The following PHF20 variants were observed in gnomAD, a reference collection of about 807,000 sequenced individuals.
PHF20 encodes the protein PHD finger protein 20.
PHF20 carries 23 observed loss-of-function variants against 113.5 expected under a neutral mutation model. That is an observed-to-expected ratio of 0.20 (90% CI 0.15 to 0.29). The LOEUF (loss-of-function observed/expected upper bound fraction) is 0.29. Ranked by LOEUF, PHF20 falls within the 10% of genes least tolerant of loss-of-function variation. The pLI, the probability that PHF20 is intolerant of heterozygous loss-of-function variation, is 1.00. For missense variants in PHF20, 943 were observed against 1,219.6 expected (o/e 0.77, Z 3.38); for synonymous variants, 434 against 457.3 (o/e 0.95, Z 0.65).
intron 2 of PHF20, among the ~76,000 whole-genome samples, chr20:35,805,611 G>A (rs2041866364): frequency 6.6e-6 from 1 of 151,542 alleles, no homozygotes; most frequent in African/African-American, 2.4e-5. Context: ...GGGATTATAG[G>A]TGTGAGCCAC....
rs551006958 is a variant in PHF20 at position 35,783,319 on chromosome 20, T to C, written c.-33+11240T>C. Among the ~76,000 whole-genome samples, 5 of 152,334 alleles carry C rather than the reference T, an allele frequency of 3.3e-5. No individual in the cohort carries two copies. In the South Asian group the frequency reaches 1.0e-3, roughly 32 times the overall value. ...CTTTTGTTTTATTCCTCTCAGAAAA[T>C]GTGTGTAAAATTCCTCCATGGGCCC... On this transcript the variant is annotated intron_variant, in intron 1 of 17. Coordinates refer to ENST00000374012, the MANE Select transcript of PHF20 (RefSeq NM_016436.5).
chr20:35,790,016 A>G (rs2041511182), intron 1 of PHF20, among the ~76,000 whole-genome samples: 3 of 150,890 alleles, frequency 2.0e-5, no homozygotes. Flanking sequence ...CACCATCCCC[A>G]GCTGATTTTT....
intron 4 of PHF20, among the ~76,000 whole-genome samples, chr20:35,849,181 T>C (rs17093147): frequency 0.049 from 7,382 of 152,076 alleles, 229 homozygotes; most frequent in African/African-American, 0.099. Context: ...AGAAAGTTAG[T>C]GGGGCAGGCT....
intron 13 of PHF20, 112 bp from the exon 14 acceptor site, chr20:35,927,668 T>TC: frequency 1.2e-6 from 1 of 800,548 alleles, no homozygotes; most frequent in Non-Finnish European, 2.2e-6. Context: ...GAGTGCTCCT[T>TC]CCTCCCCTCT....
chr20:35,893,010 A>G (rs2054904786), intron 9 of PHF20, among the ~76,000 whole-genome samples: 1 of 152,192 alleles, frequency 6.6e-6, no homozygotes, highest in African/African-American at 2.4e-5. Context: ...GATCTTTGTG[A>G]TAGTGGCACC....
intron 9 of PHF20, among the ~76,000 whole-genome samples, chr20:35,884,704 C>T (rs957925041): frequency 1.3e-5 from 2 of 152,144 alleles, no homozygotes; most frequent in African/African-American, 4.8e-5. Context: ...AAAATAATTT[C>T]AGATTTATAA....
intron 2 of PHF20, among the ~76,000 whole-genome samples, chr20:35,821,989 G>A (rs2042176694): frequency 6.6e-6 from 1 of 152,232 alleles, no homozygotes; most frequent in African/African-American, 2.4e-5. Context: ...ATGATAAGCA[G>A]TTTGGTTTTG....
chr20:35,872,288 C>T (rs1057121476), intron 9 of PHF20, among the ~76,000 whole-genome samples: 3 of 151,880 alleles, frequency 2.0e-5, no homozygotes, highest in Admixed American at 6.6e-5. Flanking sequence ...TTTGGGAGGC[C>T]GAGGTGGGTG....
At position 35,864,893 on chromosome 20, in the gene PHF20, A is replaced by G. The variant is rs570141190; in HGVS notation, c.808+1493A>G. Among the ~76,000 whole-genome samples, 4 of 152,282 alleles carry G rather than the reference A, an allele frequency of 2.6e-5. No individual in the cohort carries two copies. In the East Asian group the frequency reaches 5.8e-4, roughly 22 times the overall value. The stretch of plus-strand genomic sequence containing the variant: ...TTAGTTCAAAAAAAGAATGTAACAC[A>G]CCTCGATTTTAAAATACTGATTACG... On this transcript the variant is annotated intron_variant, in intron 6 of 17. Coordinates refer to ENST00000374012, the MANE Select transcript of PHF20 (RefSeq NM_016436.5).
At chr20:35,897,662 G>A (rs1175361887) in intron 9 of PHF20, among the ~76,000 whole-genome samples, 4 of 149,404 alleles carry the variant, frequency 2.7e-5, no homozygotes, top group Admixed American at 6.7e-5. Context: ...CGCCTCCTGG[G>A]TTCAAGCCAT....
intron 4 of PHF20, chr20:35,850,935 C>G (rs1600824925): frequency 3.5e-6 from 2 of 570,870 alleles, no homozygotes; most frequent in East Asian, 7.9e-5. Context: ...GAAGATAGAA[C>G]TGCAGCAATG....
At chr20:35,896,081 A>ATGTG (rs10633976) in intron 9 of PHF20, among the ~76,000 whole-genome samples, 8,690 of 143,154 alleles carry the variant, frequency 0.061, 327 homozygotes, top group South Asian at 0.21. Context: ...ATGCTTTGGG[A>ATGTG]TGTGTGTGTG....
intron 1 of PHF20, among the ~76,000 whole-genome samples, chr20:35,779,810 T>A (rs2378408): frequency 6.6e-6 from 1 of 152,118 alleles, no homozygotes. Context: ...CGTGAGCCAC[T>A]GTGCCCGGCC....
intron 1 of PHF20, among the ~76,000 whole-genome samples, chr20:35,799,686 A>G (rs1029921621): frequency 3.3e-5 from 5 of 151,312 alleles, no homozygotes; most frequent in Non-Finnish European, 5.9e-5. Flanking sequence ...TTTCTTTTTC[A>G]AGATGGAGTC....
intron 9 of PHF20, among the ~76,000 whole-genome samples, chr20:35,892,216 C>G (rs1172228269): frequency 6.7e-6 from 1 of 149,272 alleles, no homozygotes; most frequent in Admixed American, 6.7e-5. Flanking sequence ...CACCACCACG[C>G]CTGGCTGATT....
chr20:35,785,009 C>T (rs1207086261), intron 1 of PHF20, among the ~76,000 whole-genome samples: 3 of 151,706 alleles, frequency 2.0e-5, no homozygotes, highest in Non-Finnish European at 2.9e-5. Context: ...CAGGATCATG[C>T]CGCTTCACTC....
chr20:35,835,575 A>G (rs1804180164), intron 2 of PHF20, among the ~76,000 whole-genome samples: 1 of 152,188 alleles, frequency 6.6e-6, no homozygotes, highest in Non-Finnish European at 1.5e-5. Context: ...ACCAAATATG[A>G]TTTATTCTAG....
At chr20:35,785,092 T>A (rs755848671) in intron 1 of PHF20, among the ~76,000 whole-genome samples, 6 of 150,730 alleles carry the variant, frequency 4.0e-5, no homozygotes, top group Non-Finnish European at 7.4e-5. Flanking sequence ...AGGAAGGAGG[T>A]CTTGCTTCTG....
intron 2 of PHF20, among the ~76,000 whole-genome samples, chr20:35,827,225 C>T (rs545462905): frequency 2.9e-4 from 44 of 152,152 alleles, no homozygotes; most frequent in Non-Finnish European, 5.9e-4. Context: ...CCTCAGCCTC[C>T]CAAGTAGCTG....
Sources: allele counts gnomAD v4.1 joint callset (sites outside exome capture counted in the v4.1 genomes callset), GRCh38; gene constraint gnomAD v4.1.1; transcripts MANE v1.5; gene names NCBI Gene and HGNC (gene_info 2026-07-23, HGNC 2026-07-21).